The following TGFA variants were observed in gnomAD, a reference collection of about 807,000 sequenced individuals.
TGFA encodes protransforming growth factor alpha.
TGFA carries 12 observed loss-of-function variants against 21.7 expected under a neutral mutation model. The observed-to-expected ratio is 0.55, with a 90% CI of 0.35 to 0.90. The LOEUF is 0.90. Among genes scored for constraint, TGFA ranks in the 40% least tolerant of loss-of-function variants. The pLI is 0.01. For synonymous variants in TGFA, 79 were observed against 88.1 expected, an observed-to-expected ratio of 0.90 and a Z score of 0.58; for missense variants, 178 against 210.8, an observed-to-expected ratio of 0.84 and a Z score of 0.96.
chr2:70,512,236 G>T (rs1421838452), intron 2 of TGFA, among the ~76,000 whole-genome samples: 2 of 152,152 alleles, frequency 1.3e-5, no homozygotes, highest in African/African-American at 2.4e-5. Context: ...GTCTCATGGG[G>T]CAGGGCCAAG....
intron 2 of TGFA, among the ~76,000 whole-genome samples, chr2:70,486,477 G>A (rs1671274166): frequency 6.6e-6 from 1 of 151,300 alleles, no homozygotes; most frequent in African/African-American, 2.4e-5. Flanking sequence ...GTTTGTTGTT[G>A]TTGTTTGTCT....
chr2:70,534,541 A>C (rs1553504139), intron 1 of TGFA, among the ~76,000 whole-genome samples: 1 of 152,196 alleles, frequency 6.6e-6, no homozygotes, highest in East Asian at 1.9e-4. Flanking sequence ...CTTTAAAAAA[A>C]ATTTATGGTA....
At chr2:70,513,826 G>A (rs1379314230) in intron 2 of TGFA, among the ~76,000 whole-genome samples, 2 of 152,176 alleles carry the variant, frequency 1.3e-5, no homozygotes, top group African/African-American at 4.8e-5. Context: ...GGAGGCTAGT[G>A]CAGTAACAGA....
At chr2:70,513,339 G>A (rs550042329) in intron 2 of TGFA, among the ~76,000 whole-genome samples, 1 of 152,294 alleles carries the variant, frequency 6.6e-6, no homozygotes, top group Admixed American at 6.5e-5. Context: ...ATGGCATGGT[G>A]AAGTTACTAA....
intron 1 of TGFA, among the ~76,000 whole-genome samples, chr2:70,515,934 T>C (rs1553501540): frequency 6.6e-6 from 1 of 152,214 alleles, no homozygotes; most frequent in Non-Finnish European, 1.5e-5. Flanking sequence ...AGACTGCAAC[T>C]GCAGAGTGTT....
chr2:70,480,735 G>T (rs1419563039), intron 2 of TGFA, among the ~76,000 whole-genome samples: 2 of 152,024 alleles, frequency 1.3e-5, no homozygotes, highest in African/African-American at 4.8e-5. Flanking sequence ...TAGTATTTTT[G>T]CATGCTCAAA....
At chr2:70,548,414 A>G (rs1416979788) in intron 1 of TGFA, among the ~76,000 whole-genome samples, 2 of 152,194 alleles carry the variant, frequency 1.3e-5, no homozygotes, top group Non-Finnish European at 2.9e-5. Flanking sequence ...CCCAGCTGGA[A>G]AAGTTAACAC....
intron 1 of TGFA, among the ~76,000 whole-genome samples, chr2:70,515,285 T>C (rs1672237318): frequency 6.6e-6 from 1 of 152,226 alleles, no homozygotes; most frequent in African/African-American, 2.4e-5. Context: ...ATTTTAATTG[T>C]ACATTTCAGT....
In TGFA at chr2:70,521,625, T is replaced by TG. The variant is rs1553502316; in HGVS notation, c.41-6714_41-6713insC. ...TTTGTTGTTGTTTGTTTGTTTTTTT[T>TG]TTTTTTTTTTTTTGAGTCTCGCTCT... On this transcript the variant is annotated intron_variant, in intron 1 of 5. Transcript: ENST00000295400. 1.7e-3 allele frequency among the ~76,000 whole-genome samples: 233 copies of TG among 135,514 alleles called. 3 individuals are homozygous for TG. Among genetic ancestry groups the TG allele is most frequent in the African/African-American group, 5.9e-3 (212 of 35,976 alleles). The allele number at this position is 135,514 out of a possible 152,430, so 88.9% of individuals were successfully genotyped here.
chr2:70,457,679 T>A (rs1553490813), intron 3 of TGFA, among the ~76,000 whole-genome samples: 1 of 151,864 alleles, frequency 6.6e-6, no homozygotes, highest in Non-Finnish European at 1.5e-5. Flanking sequence ...GTAGCTGGGA[T>A]TACAGGCACA....
At chr2:70,458,548 T>G (rs1670310755) in intron 3 of TGFA, among the ~76,000 whole-genome samples, 1 of 152,128 alleles carries the variant, frequency 6.6e-6, no homozygotes, top group Admixed American at 6.5e-5. Context: ...TCCCAGCATG[T>G]GGGGACTCAG....
At chr2:70,468,385 G>C (rs1553492653) in intron 2 of TGFA, 1 of 152,248 alleles carries the variant, frequency 6.6e-6, no homozygotes, top group African/African-American at 2.4e-5. Context: ...CATGTGCTTG[G>C]CTTGAGTGGT....
rs11466246 is a variant in TGFA, at chr2:70,465,417, G to A, written c.215+199C>T. Among the ~76,000 whole-genome samples, 652 of 152,304 alleles carry A rather than the reference G, an allele frequency of 4.3e-3. 4 individuals are homozygous for A. The highest frequency in any genetic ancestry group is 0.014 in the African/African-American group (591 of 41,566). On this transcript the variant is annotated intron_variant, in intron 3 of 5. Coordinates refer to ENST00000295400, the MANE Select transcript of TGFA (RefSeq NM_003236.4). The stretch of plus-strand genomic sequence containing the variant: ...CGGGGTTCTGCCTCAGTGGCTGTGG[G>A]CTGGGGGCCTTGGAACCTGGATTTT...
intron 1 of TGFA, among the ~76,000 whole-genome samples, chr2:70,523,566 C>G (rs1672544377): frequency 6.6e-6 from 1 of 152,174 alleles, no homozygotes; most frequent in Non-Finnish European, 1.5e-5. Flanking sequence ...ACCAGCCTTC[C>G]AGGTCGAGCT....
intron 1 of TGFA, among the ~76,000 whole-genome samples, chr2:70,537,516 A>T (rs1673008749): frequency 6.6e-6 from 1 of 152,240 alleles, no homozygotes; most frequent in Non-Finnish European, 1.5e-5. Context: ...GAGAAAATTA[A>T]AAGTGCTACT....
chr2:70,542,988 A>AG (rs1187472392), intron 1 of TGFA, among the ~76,000 whole-genome samples: 12 of 151,902 alleles, frequency 7.9e-5, no homozygotes, highest in African/African-American at 2.9e-4. Context: ...CTGTAATCCC[A>AG]GGTACTTGGG....
chr2:70,525,520 TAC>T (rs1559135664), intron 1 of TGFA, among the ~76,000 whole-genome samples: 1 of 152,116 alleles, frequency 6.6e-6, no homozygotes, highest in Non-Finnish European at 1.5e-5. Flanking sequence ...AAGGGGTAAA[TAC>T]ACTTACTTCT....
intron 5 of TGFA, chr2:70,451,684 A>G (rs1342600424): frequency 1.5e-6 from 1 of 681,416 alleles, no homozygotes; most frequent in Non-Finnish European, 2.6e-6. Flanking sequence ...AAAAGATTAA[A>G]AACATTTTTC....
Position 70,528,148 on chromosome 2 carries a change from G to C in TGFA, c.41-13236C>G, listed in dbSNP as rs575964236. 7.2e-5 allele frequency among the ~76,000 whole-genome samples: 11 copies of C among 152,364 alleles called. No homozygotes were observed. In the South Asian group the frequency reaches 2.1e-3, roughly 29 times the overall value. On this transcript the variant is annotated intron_variant, in intron 1 of 5. Coordinates refer to ENST00000295400, the MANE Select transcript of TGFA (RefSeq NM_003236.4). ...GCTTATTTCTCACCTATGGTGAAAT[G>C]TGTTGAAGGGCTATGTTCAGTAACA...
Sources: gnomAD v4.1 joint callset for allele counts (sites outside exome capture counted in the v4.1 genomes callset) on GRCh38, gnomAD v4.1.1 for gene constraint, MANE v1.5 for transcripts, NCBI Gene and HGNC (gene_info 2026-07-23, HGNC 2026-07-21) for gene names.